PTPRD: variants seen among roughly 807,000 people sequenced by gnomAD.
PTPRD encodes receptor-type tyrosine-protein phosphatase delta.
Under a neutral mutation model 214.5 loss-of-function variants are expected in PTPRD, and 34 were observed. The ratio of observed to expected loss-of-function variants is 0.16; its 90% confidence interval spans 0.12 to 0.21. The LOEUF (loss-of-function observed/expected upper bound fraction) is 0.21, where lower values mean the gene tolerates loss of function less well. Ranked by LOEUF, PTPRD falls within the 10% of genes least tolerant of loss-of-function variation. The pLI, the probability that PTPRD is intolerant of heterozygous loss-of-function variation, is 1.00. For missense variants in PTPRD, 2,545 were observed against 2,398.7 expected (o/e 1.06, Z -1.27); for synonymous variants, 1,128 against 845.7 (o/e 1.33, Z -5.79).
chr9:9,604,734 G>A (rs1389115239), intron 7 of PTPRD, among the ~76,000 whole-genome samples: 3 of 151,830 alleles, frequency 2.0e-5, no homozygotes, highest in Non-Finnish European at 4.4e-5. Context: ...AAGGGTATTT[G>A]TTTGACAAAG....
intron 2 of PTPRD, among the ~76,000 whole-genome samples, chr9:10,519,852 G>C (rs2134144011): frequency 6.6e-6 from 1 of 152,100 alleles, no homozygotes; most frequent in South Asian, 2.1e-4. Flanking sequence ...ATTAACTAAT[G>C]TTATGTGTGT....
At chr9:9,554,198 A>G (rs1286013920) in intron 8 of PTPRD, among the ~76,000 whole-genome samples, 1 of 152,052 alleles carries the variant, frequency 6.6e-6, no homozygotes, top group Admixed American at 6.6e-5. Flanking sequence ...GGAAAACACT[A>G]TCAAGTAATT....
Position 9,322,041 on chromosome 9 carries a change from G to A in PTPRD, c.-203+75408C>T, listed in dbSNP as rs117214196. ...ATAAATAATTAGCAAATCACTAGAA[G>A]TTCTGATTTCTCAAGGCCTGAATAG... On this transcript the variant is annotated intron_variant, in intron 9 of 45. Transcript: ENST00000381196. Among the ~76,000 whole-genome samples, 825 of 152,248 alleles carry A rather than the reference G, an allele frequency of 5.4e-3. 9 individuals carry two copies. Among genetic ancestry groups the A allele is most frequent in the Non-Finnish European group, 6.9e-3 (470 of 68,030 alleles).
intron 9 of PTPRD, among the ~76,000 whole-genome samples, chr9:9,207,082 A>G (rs962386075): frequency 6.6e-6 from 1 of 152,156 alleles, no homozygotes. Context: ...AGAGCCAGTA[A>G]AAATTGCTGA....
chr9:8,602,227 A>T (rs1169846449), intron 14 of PTPRD, among the ~76,000 whole-genome samples: 1 of 152,184 alleles, frequency 6.6e-6, no homozygotes, highest in African/African-American at 2.4e-5. Context: ...TAAATAGAAA[A>T]CTGTGAACAT....
intron 7 of PTPRD, among the ~76,000 whole-genome samples, chr9:9,656,251 C>T (rs1243031760): frequency 1.3e-5 from 2 of 152,026 alleles, no homozygotes; most frequent in Admixed American, 6.5e-5. Flanking sequence ...ACCATACGTT[C>T]ACATTCTTTA....
intron 2 of PTPRD, among the ~76,000 whole-genome samples, chr9:10,528,179 T>C (rs2134509570): frequency 6.6e-6 from 1 of 152,204 alleles, no homozygotes; most frequent in Non-Finnish European, 1.5e-5. Context: ...TGTTTCTTTC[T>C]TACTGTTCTC....
At chr9:8,957,866 A>G (rs2099139396) in intron 11 of PTPRD, among the ~76,000 whole-genome samples, 1 of 151,764 alleles carries the variant, frequency 6.6e-6, no homozygotes, top group Admixed American at 6.6e-5. Flanking sequence ...CATATGGAGG[A>G]CAAAACAGAA....
chr9:9,895,427 G>C (rs563503361), intron 5 of PTPRD, among the ~76,000 whole-genome samples: 1 of 151,944 alleles, frequency 6.6e-6, no homozygotes, highest in African/African-American at 2.4e-5. Context: ...TAGAATGTTT[G>C]ATAAATTTTT....
chr9:8,950,544 AAAT>A (rs2099095957), intron 11 of PTPRD, among the ~76,000 whole-genome samples: 1 of 152,004 alleles, frequency 6.6e-6, no homozygotes, highest in Admixed American at 6.6e-5. Context: ...AAGGTTTCTC[AAAT>A]AACAGAGCTC....
At chr9:10,279,128 G>T (rs774594766) in intron 3 of PTPRD, among the ~76,000 whole-genome samples, 27 of 151,892 alleles carry the variant, frequency 1.8e-4, no homozygotes, top group Admixed American at 4.6e-4. Flanking sequence ...ACTTCTCTTT[G>T]GATAATCAAT....
At chr9:9,949,462 CTT>C (rs1248939694) in intron 4 of PTPRD, among the ~76,000 whole-genome samples, 1 of 151,970 alleles carries the variant, frequency 6.6e-6, no homozygotes, top group African/African-American at 2.4e-5. Context: ...GATAATCACT[CTT>C]GTTTTCCTTC....
At chr9:10,386,664 C>A (rs5009756) in intron 2 of PTPRD, among the ~76,000 whole-genome samples, 131,848 of 151,300 alleles carry the variant, frequency 0.87, 57,477 homozygotes, top group African/African-American at 0.91. Context: ...ACCAAAAAAA[C>A]AAAACAAAAC....
chr9:9,275,135 TAA>T (rs1944796741), intron 9 of PTPRD, among the ~76,000 whole-genome samples: 1 of 56,268 alleles, frequency 1.8e-5, no homozygotes, highest in Non-Finnish European at 3.1e-5. Context: ...ATATTATATA[TAA>T]TATATATATA....
chr9:9,491,172 C>T (rs1186178311), intron 8 of PTPRD, among the ~76,000 whole-genome samples: 1 of 151,850 alleles, frequency 6.6e-6, no homozygotes, highest in South Asian at 2.1e-4. Flanking sequence ...GATTTTAAAA[C>T]AGATTTTAAA....
chr9:9,730,700 G>A (rs751543987), intron 7 of PTPRD, among the ~76,000 whole-genome samples: 29 of 152,036 alleles, frequency 1.9e-4, no homozygotes, highest in Non-Finnish European at 3.4e-4. Context: ...GAGTCCAAAG[G>A]ATAGACTGAA....
chr9:9,934,782 A>G (rs2088489320), intron 5 of PTPRD, among the ~76,000 whole-genome samples: 1 of 151,982 alleles, frequency 6.6e-6, no homozygotes, highest in Non-Finnish European at 1.5e-5. Flanking sequence ...AAAAAAGAGA[A>G]TTTTAGACCA....
chr9:8,346,426 A>C (rs1340725270), intron 39 of PTPRD, among the ~76,000 whole-genome samples: 2 of 152,118 alleles, frequency 1.3e-5, no homozygotes, highest in Non-Finnish European at 2.9e-5. Flanking sequence ...ACTTTCTGCA[A>C]TCTCAGTTAT....
intron 6 of PTPRD, among the ~76,000 whole-genome samples, chr9:9,743,731 T>TACACAC (rs4008087): frequency 0.1 from 8,040 of 80,320 alleles, 608 homozygotes; most frequent in East Asian, 0.35. Flanking sequence ...ACTCAGTCTA[T>TACACAC]ACACACACAC....
Sources: gnomAD v4.1 joint callset for allele counts (sites outside exome capture counted in the v4.1 genomes callset) on GRCh38, gnomAD v4.1.1 for gene constraint, MANE v1.5 for transcripts, NCBI Gene and HGNC (gene_info 2026-07-23, HGNC 2026-07-21) for gene names.